Variants in OPCML observed in about 807,000 individuals in gnomAD.
The protein encoded by OPCML is opioid-binding protein/cell adhesion molecule.
OPCML carries 13 observed loss-of-function variants against 37.8 expected under a neutral mutation model. The ratio of observed to expected loss-of-function variants is 0.34; its 90% confidence interval spans 0.22 to 0.55. The LOEUF (loss-of-function observed/expected upper bound fraction) is 0.55. OPCML is among the 20% of genes least tolerant of loss of function. OPCML has a pLI of 0.91. For synonymous variants in OPCML, 176 were observed against 168.8 expected, an observed-to-expected ratio of 1.04 and a Z score of -0.33; for missense variants, 341 against 435.6, an observed-to-expected ratio of 0.78 and a Z score of 1.93.
intron 2 of OPCML, among the ~76,000 whole-genome samples, chr11:132,836,233 C>A (rs1940992838): frequency 6.6e-6 from 1 of 151,974 alleles, no homozygotes; most frequent in Non-Finnish European, 1.5e-5. Context: ...TTGGCTTTTC[C>A]CAAATAATGA....
At chr11:132,768,752 C>T (rs1946540532) in intron 2 of OPCML, among the ~76,000 whole-genome samples, 1 of 152,096 alleles carries the variant, frequency 6.6e-6, no homozygotes, top group South Asian at 2.1e-4. Flanking sequence ...AGCATACACC[C>T]TCTGCTCTGA....
chr11:132,579,548 T>C (rs1179640996), intron 3 of OPCML, among the ~76,000 whole-genome samples: 2 of 152,120 alleles, frequency 1.3e-5, no homozygotes, highest in East Asian at 1.9e-4. Context: ...AAACCCTTGA[T>C]TGAATGCCCT....
At chr11:133,063,763 T>C (rs1207672711) in intron 1 of OPCML, among the ~76,000 whole-genome samples, 2 of 152,148 alleles carry the variant, frequency 1.3e-5, no homozygotes, top group African/African-American at 4.8e-5. Context: ...AGTTTCACCA[T>C]GTTAGCCAGG....
chr11:132,755,804 A>G (rs932552583), intron 2 of OPCML, among the ~76,000 whole-genome samples: 14 of 152,194 alleles, frequency 9.2e-5, no homozygotes, highest in Admixed American at 2.0e-4. Context: ...GCAACAACAC[A>G]GGTATATATT....
intron 3 of OPCML, among the ~76,000 whole-genome samples, chr11:132,589,407 A>G (rs988111942): frequency 6.6e-6 from 1 of 152,242 alleles, no homozygotes; most frequent in Non-Finnish European, 1.5e-5. Context: ...CCAAATACTG[A>G]GAACTAGAAT....
At chr11:133,364,371 G>C (rs975637390) in intron 1 of OPCML, among the ~76,000 whole-genome samples, 2 of 152,196 alleles carry the variant, frequency 1.3e-5, no homozygotes, top group Non-Finnish European at 2.9e-5. Context: ...CACATTAACA[G>C]AGCAGTAGTA....
chr11:133,135,756 A>G (rs1261987275), intron 1 of OPCML, among the ~76,000 whole-genome samples: 2 of 152,178 alleles, frequency 1.3e-5, no homozygotes, highest in African/African-American at 2.4e-5. Context: ...TCCTCAAAGT[A>G]GCGTCCTTTT....
At chr11:132,440,660 T>C (rs1408211153) in intron 4 of OPCML, among the ~76,000 whole-genome samples, 1 of 152,244 alleles carries the variant, frequency 6.6e-6, no homozygotes, top group Admixed American at 6.5e-5. Flanking sequence ...AGAATCAGGA[T>C]GCATGGATTC....
chr11:133,007,048 A>G (rs1947127630), intron 1 of OPCML: 2 of 985,436 alleles, frequency 2.0e-6, no homozygotes, highest in Non-Finnish European at 2.4e-6. Flanking sequence ...TGAGAAAAAA[A>G]TCCTTTTCTT....
At chr11:132,806,226 A>T (rs145593693) in intron 2 of OPCML, among the ~76,000 whole-genome samples, 1 of 152,154 alleles carries the variant, frequency 6.6e-6, no homozygotes, top group Non-Finnish European at 1.5e-5. Flanking sequence ...CAAACAAAAA[A>T]CCAAATTGCC....
intron 1 of OPCML, among the ~76,000 whole-genome samples, chr11:133,503,944 G>A (rs143568868): frequency 6.6e-6 from 1 of 152,312 alleles, no homozygotes; most frequent in Non-Finnish European, 1.5e-5. Context: ...GGGAAGGCGG[G>A]AGGAGGAGGA....
intron 2 of OPCML, among the ~76,000 whole-genome samples, chr11:132,710,102 G>A (rs777444134): frequency 1.6e-4 from 24 of 152,276 alleles, no homozygotes; most frequent in Non-Finnish European, 2.8e-4. Context: ...GGTGTACGCT[G>A]GCGTCATATG....
intron 3 of OPCML, among the ~76,000 whole-genome samples, chr11:132,591,439 T>C (rs761141582): frequency 4.6e-5 from 7 of 152,228 alleles, no homozygotes; most frequent in Non-Finnish European, 1.0e-4. Flanking sequence ...GTACCTTTTA[T>C]GTTTGACCTT....
At chr11:132,492,568 T>C (rs1254456801) in intron 4 of OPCML, among the ~76,000 whole-genome samples, 2 of 151,934 alleles carry the variant, frequency 1.3e-5, no homozygotes. Flanking sequence ...AAGAAACAGG[T>C]TGAGAAGGGG....
intron 2 of OPCML, among the ~76,000 whole-genome samples, chr11:132,803,605 G>A (rs909258806): frequency 2.0e-5 from 3 of 152,156 alleles, no homozygotes; most frequent in African/African-American, 4.8e-5. Flanking sequence ...TGGAATACTC[G>A]GAACACTCAT....
chr11:133,367,898 C>A (rs1232816878), intron 1 of OPCML, among the ~76,000 whole-genome samples: 1 of 152,148 alleles, frequency 6.6e-6, no homozygotes, highest in Non-Finnish European at 1.5e-5. Context: ...ATGTTGGGTG[C>A]AATGTGGGCC....
chr11:132,817,520 G>A (rs1020244218), intron 2 of OPCML, among the ~76,000 whole-genome samples: 2 of 152,074 alleles, frequency 1.3e-5, no homozygotes, highest in African/African-American at 4.8e-5. Context: ...AGCTGGCTAT[G>A]TAGCTGATAC....
chr11:133,273,146 C>G (rs572090292), intron 1 of OPCML, among the ~76,000 whole-genome samples: 1 of 152,230 alleles, frequency 6.6e-6, no homozygotes, highest in Non-Finnish European at 1.5e-5. Context: ...CTAGGACGCA[C>G]GACTATCCTA....
chr11:133,205,855 G>A lies in OPCML; in HGVS notation c.62-262845C>T, dbSNP rs1939040390. Among the ~76,000 whole-genome samples the A allele has an allele frequency of 6.6e-6, 1 of 152,188 alleles. No individual in the cohort carries two copies. The highest frequency in any genetic ancestry group is 2.4e-5 in the African/African-American group (1 of 41,456). ...AAGAGTTTTGGATTCCAACAAGCCAGGGTCAGGTCTTCCTAAGATGTCAGA... is the reference window on the plus strand; with the variant it reads ...AAGAGTTTTGGATTCCAACAAGCCAAGGTCAGGTCTTCCTAAGATGTCAGA... On this transcript the variant is annotated intron_variant, in intron 1 of 7. Transcript: ENST00000524381. The surrounding 1 kb of genome is among the most constrained non-coding windows in gnomAD (Gnocchi z 4.8).
Sources: allele counts gnomAD v4.1 joint callset (sites outside exome capture counted in the v4.1 genomes callset), GRCh38; gene constraint gnomAD v4.1.1; non-coding constraint Gnocchi (gnomAD v3.1); transcripts MANE v1.5; gene names NCBI Gene and HGNC (gene_info 2026-07-23, HGNC 2026-07-21).